The following ACYP2 variants were observed in gnomAD, a reference collection of about 807,000 sequenced individuals.
ACYP2 encodes the protein acylphosphatase-2.
In ACYP2, 12 loss-of-function variants were observed where a neutral mutation model predicts 11.2. The observed-to-expected ratio is 1.08, with a 90% CI of 0.69 to 1.74. The LOEUF (loss-of-function observed/expected upper bound fraction) is 1.74, where lower values mean the gene tolerates loss of function less well. ACYP2 is among the 40% of genes most tolerant of loss of function. The pLI, the probability that ACYP2 is intolerant of heterozygous loss-of-function variation, is 0.00. For missense variants in ACYP2, 134 were observed against 101.9 expected (o/e 1.31, Z -1.35); for synonymous variants, 43 against 32.2 (o/e 1.33, Z -1.13).
intron 4 of ACYP2, among the ~76,000 whole-genome samples, chr2:54,095,638 G>C (rs1404675702): frequency 1.4e-5 from 2 of 145,422 alleles, no homozygotes; most frequent in African/African-American, 5.2e-5. Flanking sequence ...CCTCCCAGAT[G>C]GGGCGGCTGG....
chr2:54,213,542 C>T (rs1051896656), intron 6 of ACYP2, among the ~76,000 whole-genome samples: 12 of 152,176 alleles, frequency 7.9e-5, no homozygotes, highest in Non-Finnish European at 1.0e-4. Context: ...TTCCCACCAG[C>T]AGTGTATAAG....
At chr2:54,286,007 T>C (rs538791816) in intron 6 of ACYP2, among the ~76,000 whole-genome samples, 25 of 152,180 alleles carry the variant, frequency 1.6e-4, no homozygotes, top group Admixed American at 2.6e-4. Context: ...CTTCTTGACT[T>C]ATGATAGGGT....
At chr2:54,043,072 GGTGTGT>G (rs58940352) in intron 2 of ACYP2, among the ~76,000 whole-genome samples, 12 of 148,988 alleles carry the variant, frequency 8.1e-5, no homozygotes, top group Non-Finnish European at 1.0e-4. Context: ...GTGTGTGTGG[GGTGTGT>G]GTGTGTGTGT....
chr2:54,151,966 T>C (rs533919547), intron 6 of ACYP2, among the ~76,000 whole-genome samples: 12 of 152,196 alleles, frequency 7.9e-5, no homozygotes, highest in African/African-American at 2.9e-4. Flanking sequence ...ACAGAGAGTT[T>C]CCATATATTT....
intron 6 of ACYP2, among the ~76,000 whole-genome samples, chr2:54,291,707 G>A (rs1013832044): frequency 2.0e-5 from 3 of 152,222 alleles, no homozygotes; most frequent in African/African-American, 7.2e-5. Context: ...AGCCCATGTG[G>A]CTCGGGGGCC....
rs1682443486 is a variant in ACYP2 at position 54,156,603 on chromosome 2, T to G, written c.404+17855T>G. 5.3e-5 allele frequency among the ~76,000 whole-genome samples: 8 copies of G among 152,362 alleles called. No homozygotes were observed. In the South Asian group the frequency reaches 1.7e-3, roughly 32 times the overall value. On this transcript the variant is annotated intron_variant, in intron 6 of 6. Transcript: ENST00000607452. ...GCAAAGGACATGAGTTCATTTCTTT[T>G]TATGGCTGCATAGTATTCCATAGTG...
intron 6 of ACYP2, among the ~76,000 whole-genome samples, chr2:54,217,977 T>G (rs561928005): frequency 6.6e-6 from 1 of 152,214 alleles, no homozygotes; most frequent in Non-Finnish European, 1.5e-5. Context: ...TTGCTACCAT[T>G]ATGCTACTCC....
chr2:54,257,865 T>C (rs1478614880), intron 6 of ACYP2, among the ~76,000 whole-genome samples: 1 of 151,954 alleles, frequency 6.6e-6, no homozygotes, highest in Non-Finnish European at 1.5e-5. Flanking sequence ...CTAGAGACAA[T>C]AAACAAATGG....
intron 6 of ACYP2, among the ~76,000 whole-genome samples, chr2:54,195,264 T>C (rs1684414046): frequency 6.6e-6 from 1 of 152,228 alleles, no homozygotes; most frequent in Non-Finnish European, 1.5e-5. Context: ...CCTAGCTTCA[T>C]GGACCTCCGC....
rs112467697 is a variant in ACYP2 at position 54,276,453 on chromosome 2, A to C, written c.405-28235A>C. Among the ~76,000 whole-genome samples the C allele has an allele frequency of 6.0e-3, 916 of 152,312 alleles. 10 individuals carry two copies. The highest frequency in any genetic ancestry group is 0.021 in the African/African-American group (869 of 41,570). ...CATGATGGAGTTACTAAACCCACTGAGAAGACTCAATACCATGGGTAGAAT... is the reference window on the plus strand; with the variant it reads ...CATGATGGAGTTACTAAACCCACTGCGAAGACTCAATACCATGGGTAGAAT... On this transcript the variant is annotated intron_variant, in intron 6 of 6. Transcript: ENST00000607452.
intron 2 of ACYP2, among the ~76,000 whole-genome samples, chr2:53,994,329 C>CAAAAAAAAAAAAAAAAAAAAAA (rs374302355): frequency 2.3e-5 from 1 of 42,868 alleles, no homozygotes; most frequent in African/African-American, 9.3e-5. Flanking sequence ...GACTCCGTCT[C>CAAAAAAAAAAAAAAAAAAAAAA]AAAAAAAAAA....
At chr2:54,023,461 A>T (rs1385030842) in intron 2 of ACYP2, among the ~76,000 whole-genome samples, 1 of 152,182 alleles carries the variant, frequency 6.6e-6, no homozygotes, top group African/African-American at 2.4e-5. Flanking sequence ...CAACTTTATC[A>T]TTTTGTTTTC....
intron 2 of ACYP2, among the ~76,000 whole-genome samples, chr2:53,979,517 C>CA (rs1671649542): frequency 6.6e-6 from 1 of 151,586 alleles, no homozygotes; most frequent in Admixed American, 6.6e-5. Context: ...GTCCCAGCTA[C>CA]TGTGGAGGCT....
chr2:53,997,714 T>A (rs1055072646), intron 2 of ACYP2, among the ~76,000 whole-genome samples: 1 of 152,160 alleles, frequency 6.6e-6, no homozygotes, highest in Non-Finnish European at 1.5e-5. Context: ...ACTTAGCAAC[T>A]ACTCCATGAC....
intron 4 of ACYP2, among the ~76,000 whole-genome samples, chr2:54,098,199 C>G (rs1391138853): frequency 6.6e-6 from 1 of 152,020 alleles, no homozygotes; most frequent in Non-Finnish European, 1.5e-5. Context: ...GAGCTCCTGA[C>G]CTTAGGAGAT....
chr2:54,202,960 A>C (rs1329271614), intron 6 of ACYP2, among the ~76,000 whole-genome samples: 3 of 151,894 alleles, frequency 2.0e-5, no homozygotes, highest in African/African-American at 4.8e-5. Context: ...GTTGCCTTGC[A>C]AATCCATATG....
intron 6 of ACYP2, among the ~76,000 whole-genome samples, chr2:54,284,336 C>A (rs909510346): frequency 6.6e-6 from 1 of 152,212 alleles, no homozygotes; most frequent in African/African-American, 2.4e-5. Context: ...CATACAGCCC[C>A]AGGCATCCAC....
At chr2:54,141,360 G>A (rs564158596) in intron 6 of ACYP2, among the ~76,000 whole-genome samples, 16 of 151,974 alleles carry the variant, frequency 1.1e-4, no homozygotes, top group African/African-American at 2.9e-4. Flanking sequence ...AAGTGTTGTC[G>A]CCCAGGTTTT....
intron 2 of ACYP2, among the ~76,000 whole-genome samples, chr2:54,033,421 C>A (rs1674700759): frequency 6.6e-6 from 1 of 151,870 alleles, no homozygotes; most frequent in Non-Finnish European, 1.5e-5. Flanking sequence ...CTGTGTTGCC[C>A]AGGCTGGTCT....
Sources: allele counts gnomAD v4.1 joint callset (sites outside exome capture counted in the v4.1 genomes callset), GRCh38; gene constraint gnomAD v4.1.1; transcripts MANE v1.5; gene names NCBI Gene and HGNC (gene_info 2026-07-23, HGNC 2026-07-21).